The following SUMF2 variants were observed in gnomAD, a reference collection of about 807,000 sequenced individuals.
SUMF2 encodes inactive C-alpha-formylglycine-generating enzyme 2.
Under a neutral mutation model 44.8 loss-of-function variants are expected in SUMF2, and 45 were observed. The ratio of observed to expected loss-of-function variants is 1.00; its 90% CI spans 0.79 to 1.29. The LOEUF (loss-of-function observed/expected upper bound fraction) is 1.29. Ranked by LOEUF, SUMF2 falls within the 50% of genes most tolerant of loss-of-function variation. The probability of loss-of-function intolerance (pLI) is 0.00; values close to 1 mark genes in which losing one functional copy is unlikely to be tolerated. For synonymous variants in SUMF2, 148 were observed against 150.4 expected, an observed-to-expected ratio of 0.98 and a Z score of 0.12; for missense variants, 418 against 389.9, an observed-to-expected ratio of 1.07 and a Z score of -0.61.
rs1250606908 is a variant in SUMF2, at chr7:56,078,160, A to G, written c.650A>G (p.Asn217Ser). ...EDGFHGVSPV[N>S]AFPAQNNYGL... is the part of the protein sequence containing the mutation. ...GGCTTCCATGGAGTCTCCCCAGTGA[A>G]TGCTTTCCCCGCCCAGAACAACTAC... The change falls in exon 7 of 9, where the codon AAT becomes AGT. Residue 217 changes from asparagine to serine, a missense_variant. By Grantham distance (46) the Asn-to-Ser change is conservative (BLOSUM62 1). Transcript: ENST00000434526. The G allele has an allele frequency of 6.2e-7, 1 of 1,612,514 alleles. No homozygotes were observed. The highest frequency in any genetic ancestry group is 1.3e-5 in the African/African-American group (1 of 75,010).
At chr7:56,067,569 T>C (rs1188865047) in intron 1 of SUMF2, among the ~76,000 whole-genome samples, 1 of 152,062 alleles carries the variant, frequency 6.6e-6, no homozygotes, top group East Asian at 1.9e-4. Flanking sequence ...GCTATGGTCG[T>C]CCATAGATAT....
chr7:56,077,876 C>G (rs1240779011), intron 6 of SUMF2, among the ~76,000 whole-genome samples: 1 of 151,718 alleles, frequency 6.6e-6, no homozygotes, highest in African/African-American at 2.4e-5. Context: ...GACCTGGAGC[C>G]CTGTGGGTAC....
intron 1 of SUMF2, among the ~76,000 whole-genome samples, chr7:56,065,109 G>T (rs1794683867): frequency 6.8e-6 from 1 of 147,906 alleles, no homozygotes; most frequent in African/African-American, 2.5e-5. Context: ...GGAGAATGGC[G>T]TGAACCCCGG....
chr7:56,076,754 C>T (rs1251914987), intron 5 of SUMF2, 80 bp from the exon 6 acceptor site: 1 of 1,333,262 alleles, frequency 7.5e-7, no homozygotes. Flanking sequence ...CTTTTGATTC[C>T]CTCACTCTTT....
rs137956406 is a variant in SUMF2 at position 56,078,999 on chromosome 7, C to T, written c.821+491C>T. On this transcript the variant is annotated intron_variant, in intron 8 of 8. Coordinates refer to ENST00000434526, the MANE Select transcript of SUMF2 (RefSeq NM_015411.4). ...ACAGCCTCAAACTGCCAGGCTCTAG[C>T]GATTCTTCCACCTCAGCTCCTCAAG... The T allele has an allele frequency of 3.3e-4, 202 of 618,024 alleles. 1 individual carries two copies. In the African/African-American group the frequency reaches 3.3e-3, roughly 10 times the overall value. The allele number at this position is 618,024 out of a possible 1,614,324, so 38.3% of individuals were successfully genotyped here. A position where few individuals can be genotyped will look rare whatever the true frequency, so the allele number is the denominator to read the frequency against.
rs563390507 is a variant in SUMF2, at chr7:56,064,359, C to T, written c.48C>T (p.Val16=). 3.8e-5 allele frequency: 61 copies of T among 1,604,228 alleles called. 1 individual carries two copies. In the South Asian group the frequency reaches 5.1e-4, roughly 14 times the overall value. The part of the protein sequence containing the change: ...LPLLPLLSLL[V]GAWLKLGNGQ... Reference sequence around the variant, plus strand: ...TGCTGCCCCTGCTGTCGCTCCTGGTCGGCGCGTGGCTCAAGCTAGGTCAGT... The same window carrying T: ...TGCTGCCCCTGCTGTCGCTCCTGGTTGGCGCGTGGCTCAAGCTAGGTCAGT... Residue 16 remains valine (V), a synonymous_variant, in exon 1 of 9, where the codon GTC becomes GTT. Transcript: ENST00000434526.
At chr7:56,081,885 CCT>C, downstream of SUMF2, 1 of 1,613,084 alleles carries the variant, frequency 6.2e-7, no homozygotes, top group Non-Finnish European at 8.5e-7. The surrounding 1 kb of genome is among the most constrained non-coding windows in gnomAD (Gnocchi z 4.6). Flanking sequence ...GTTGGCCTGG[CCT>C]CTCACCAGGT....
Position 56,074,195 on chromosome 7 carries a change from G to A in SUMF2, c.361G>A (p.Val121Met), listed in dbSNP as rs201836565. ...GCAGTCTGTACTCTGGTGGCTTCCAGTGGAAAAGGCATTTTGGAGGCAGGT... is the reference window on the plus strand; with the variant it reads ...GCAGTCTGTACTCTGGTGGCTTCCAATGGAAAAGGCATTTTGGAGGCAGGT... ...PMKSVLWWLP[V>M]EKAFWRQPAG... Residue 121 changes from valine (V) to methionine (M), a missense_variant, in exon 4 of 9, where the codon GTG becomes ATG. By Grantham distance (21) the Val-to-Met change is conservative (BLOSUM62 1). Coordinates refer to ENST00000434526, the MANE Select transcript of SUMF2 (RefSeq NM_015411.4). 15 of 1,613,974 alleles carry A rather than the reference G, an allele frequency of 9.3e-6. No homozygotes were observed. The East Asian group carries it at 2.9e-4, about 31-fold the overall frequency.
the SUMF2 span, chr7:56,087,871 G>C: frequency 2.1e-6 from 2 of 972,694 alleles, no homozygotes; most frequent in Non-Finnish European, 3.1e-6. Context: ...GCCCTTGACA[G>C]AGATTTACAC....
downstream of SUMF2, chr7:56,082,311 G>A: frequency 7.2e-7 from 1 of 1,394,020 alleles, no homozygotes; most frequent in Non-Finnish European, 1.0e-6. Flanking sequence ...AGGAAGTCCA[G>A]GCTGGCCGCA....
At chr7:56,078,687 G>A (rs950255246) in intron 8 of SUMF2, among the ~76,000 whole-genome samples, 179 bp downstream of exon 8, 1 of 151,940 alleles carries the variant, frequency 6.6e-6, no homozygotes, top group Non-Finnish European at 1.5e-5. Flanking sequence ...AGCAGCACTT[G>A]CTATGAAAAG....
chr7:56,071,937 C>T (rs183740712), intron 2 of SUMF2, among the ~76,000 whole-genome samples: 3 of 150,746 alleles, frequency 2.0e-5, no homozygotes, highest in African/African-American at 4.9e-5. Flanking sequence ...TGGTGAAACC[C>T]GTCTCTACTA....
chr7:56,073,983 C>G, intron 3 of SUMF2, 191 bp from the exon 4 acceptor site: 2 of 599,400 alleles, frequency 3.3e-6, no homozygotes, highest in South Asian at 2.0e-5. Flanking sequence ...CCACTGCACT[C>G]TAGCCTGAGT....
At chr7:56,069,307 T>A (rs921982139) in intron 2 of SUMF2, among the ~76,000 whole-genome samples, 1 of 151,970 alleles carries the variant, frequency 6.6e-6, no homozygotes, top group Non-Finnish European at 1.5e-5. Context: ...AGAGAGTCCT[T>A]TAAATTCCCC....
intron 1 of SUMF2, among the ~76,000 whole-genome samples, chr7:56,065,839 T>A (rs1350134816): frequency 6.6e-6 from 1 of 151,938 alleles, no homozygotes; most frequent in Non-Finnish European, 1.5e-5. Flanking sequence ...TCCCAGCACT[T>A]TAAGAGCCTG....
chr7:56,081,381 C>T (rs35515485), downstream of SUMF2: 30,714 of 1,488,106 alleles, frequency 0.021, 525 homozygotes, highest in Admixed American at 0.069. This position sits in a 1 kb window ranked among gnomAD's most constrained non-coding sequence, Gnocchi z 4.6. Context: ...GCTCTGGGCT[C>T]GTTTGCCACG....
downstream of SUMF2, chr7:56,081,087 G>A (rs369367841): frequency 2.4e-5 from 39 of 1,612,846 alleles, no homozygotes; most frequent in African/African-American, 1.9e-4. The surrounding 1 kb of genome is among the most constrained non-coding windows in gnomAD (Gnocchi z 4.6). Flanking sequence ...AGAGGAGCAC[G>A]GCCTTGGGTG....
intron 5 of SUMF2, chr7:56,076,576 C>T (rs536062157): frequency 4.2e-5 from 16 of 384,038 alleles, no homozygotes; most frequent in Admixed American, 2.3e-4. Flanking sequence ...GAACTGATAA[C>T]AGATGCTTTA....
downstream of SUMF2, chr7:56,083,105 C>CAAA (rs374270655): frequency 7.6e-5 from 34 of 444,778 alleles, no homozygotes; most frequent in Middle Eastern, 1.2e-3. Flanking sequence ...GACTCCATCT[C>CAAA]AAAAAAAAAA....
Sources: allele counts gnomAD v4.1 joint callset (sites outside exome capture counted in the v4.1 genomes callset), GRCh38; gene constraint gnomAD v4.1.1; non-coding constraint Gnocchi (gnomAD v3.1); transcripts MANE v1.5; gene names NCBI Gene and HGNC (gene_info 2026-07-23, HGNC 2026-07-21).